The following ADGRL3 variants were observed in gnomAD, a reference collection of about 807,000 sequenced individuals.
The protein encoded by ADGRL3 is adhesion G protein-coupled receptor L3, also known as calcium-independent alpha-latrotoxin receptor 3.
A neutral mutation model predicts 153.5 loss-of-function variants in ADGRL3; 62 were observed. That is an observed-to-expected ratio of 0.40 (90% CI 0.33 to 0.50). The LOEUF (loss-of-function observed/expected upper bound fraction) is 0.50, where lower values mean the gene tolerates loss of function less well. Among genes scored for constraint, ADGRL3 ranks in the 20% least tolerant of loss-of-function variants. The pLI is 0.47. For missense variants in ADGRL3, 1,641 were observed against 1,859.4 expected, an observed-to-expected ratio of 0.88 and a Z score of 2.16; for synonymous variants, 710 against 672.5, an observed-to-expected ratio of 1.06 and a Z score of -0.86.
At chr4:61,464,069 A>G (rs2097853317) in intron 2 of ADGRL3, among the ~76,000 whole-genome samples, 1 of 152,180 alleles carries the variant, frequency 6.6e-6, no homozygotes, top group Non-Finnish European at 1.5e-5. Flanking sequence ...AATTAATAAA[A>G]AATGGTTTGG....
chr4:61,410,520 T>C (rs547094332), intron 2 of ADGRL3, among the ~76,000 whole-genome samples: 56 of 152,262 alleles, frequency 3.7e-4, no homozygotes, highest in African/African-American at 1.2e-3. Flanking sequence ...TACAATACTA[T>C]TGTGTAATCT....
chr4:61,214,187 A>T (rs1741528961), intron 1 of ADGRL3, among the ~76,000 whole-genome samples: 1 of 152,340 alleles, frequency 6.6e-6, no homozygotes, highest in Non-Finnish European at 1.5e-5. Flanking sequence ...TCAAAAATGC[A>T]AATTTACTGG....
chr4:61,509,390 A>C (rs1484236604), intron 3 of ADGRL3, among the ~76,000 whole-genome samples: 3 of 152,084 alleles, frequency 2.0e-5, no homozygotes, highest in African/African-American at 4.8e-5. Context: ...AGCCTCCCAA[A>C]GTGCTGGGAT....
At chr4:61,229,384 C>T (rs1318489461) in intron 1 of ADGRL3, among the ~76,000 whole-genome samples, 4 of 152,108 alleles carry the variant, frequency 2.6e-5, no homozygotes, top group Non-Finnish European at 5.9e-5. Flanking sequence ...AAAGTAATTA[C>T]CTTGGTAGCC....
chr4:61,389,665 A>C (rs1042540876), intron 2 of ADGRL3, among the ~76,000 whole-genome samples: 1 of 152,158 alleles, frequency 6.6e-6, no homozygotes, highest in African/African-American at 2.4e-5. Flanking sequence ...TCAAAACCAC[A>C]GTCAGAATGT....
intron 5 of ADGRL3, among the ~76,000 whole-genome samples, chr4:61,613,143 A>G (rs2091581573): frequency 6.6e-6 from 1 of 152,152 alleles, no homozygotes; most frequent in African/African-American, 2.4e-5. Flanking sequence ...GTGAACCTCT[A>G]AATCCTATCA....
chr4:61,329,707 A>G (rs544129015), intron 1 of ADGRL3, among the ~76,000 whole-genome samples: 79 of 152,272 alleles, frequency 5.2e-4, no homozygotes, highest in Middle Eastern at 3.4e-3. Flanking sequence ...AAAATATAGT[A>G]TACAGTTTTG....
At chr4:61,449,389 C>A (rs1475766238) in intron 2 of ADGRL3, among the ~76,000 whole-genome samples, 1 of 152,060 alleles carries the variant, frequency 6.6e-6, no homozygotes, top group Non-Finnish European at 1.5e-5. Flanking sequence ...CCTGCCTCGG[C>A]CTCCCAAAGT....
chr4:62,035,752 T>A lies in ADGRL3; in HGVS notation c.3592-1979T>A, dbSNP rs144272806. ...GTGATTTCATGTTCCAAATGTGGCA[T>A]CTTAGAGCTTTTTGATCATAGAGCA... On this transcript the variant is annotated intron_variant, in intron 23 of 26. Coordinates refer to ENST00000683033, the MANE Select transcript of ADGRL3 (RefSeq NM_001387552.1). Among the ~76,000 whole-genome samples, 34 of 152,222 alleles carry A rather than the reference T, an allele frequency of 2.2e-4. 2 individuals are homozygous for A. The East Asian group carries it at 6.4e-3, about 29-fold the overall frequency.
intron 11 of ADGRL3, among the ~76,000 whole-genome samples, chr4:61,897,723 C>A (rs1324485171): frequency 6.6e-6 from 1 of 152,168 alleles, no homozygotes; most frequent in East Asian, 1.9e-4. Context: ...TTATCCCCCA[C>A]CTCCCCAGCT....
intron 17 of ADGRL3, among the ~76,000 whole-genome samples, chr4:61,965,907 C>T (rs2150561444): frequency 6.6e-6 from 1 of 152,240 alleles, no homozygotes; most frequent in African/African-American, 2.4e-5. Context: ...TAGTTACTGG[C>T]TAATTTAAAA....
intron 1 of ADGRL3, among the ~76,000 whole-genome samples, chr4:61,222,360 A>G (rs535163241): frequency 3.3e-5 from 5 of 152,276 alleles, no homozygotes; most frequent in Non-Finnish European, 5.9e-5. Flanking sequence ...CTGTTGATAT[A>G]TAATATAGAG....
intron 1 of ADGRL3, among the ~76,000 whole-genome samples, chr4:61,303,527 G>A (rs1431384534): frequency 1.3e-5 from 2 of 151,938 alleles, no homozygotes; most frequent in Non-Finnish European, 2.9e-5. Context: ...CCTGAAACTA[G>A]CTGTGACAGA....
chr4:61,829,026 C>A (rs2097842604), intron 9 of ADGRL3, among the ~76,000 whole-genome samples: 1 of 152,090 alleles, frequency 6.6e-6, no homozygotes, highest in African/African-American at 2.4e-5. Context: ...GCAGATGGGC[C>A]AGACTTAAGA....
intron 21 of ADGRL3, 104 bp from the exon 22 acceptor site, chr4:62,028,751 G>A (rs1022329767): frequency 6.1e-5 from 48 of 787,618 alleles, no homozygotes; most frequent in South Asian, 1.4e-4. Flanking sequence ...AGGGAGGTGG[G>A]GGACAGAGGC....
At chr4:61,794,278 T>C (rs982367863) in intron 8 of ADGRL3, among the ~76,000 whole-genome samples, 6 of 152,228 alleles carry the variant, frequency 3.9e-5, no homozygotes, top group African/African-American at 1.4e-4. Context: ...TTGTCACCTG[T>C]GCATTAGTCA....
At chr4:61,211,827 A>G (rs1415208550) in intron 1 of ADGRL3, 1 of 152,252 alleles carries the variant, frequency 6.6e-6, no homozygotes, top group Non-Finnish European at 1.5e-5. Context: ...TTACAGAAGC[A>G]GTGTGCCATT....
At chr4:61,230,422 T>G (rs1340883765) in intron 1 of ADGRL3, among the ~76,000 whole-genome samples, 1 of 152,210 alleles carries the variant, frequency 6.6e-6, no homozygotes, top group Non-Finnish European at 1.5e-5. Flanking sequence ...CTTAGTAATG[T>G]GGAGTTGATG....
intron 8 of ADGRL3, among the ~76,000 whole-genome samples, chr4:61,756,201 A>G (rs2096828118): frequency 6.6e-6 from 1 of 152,180 alleles, no homozygotes; most frequent in African/African-American, 2.4e-5. Context: ...TCTATAAATT[A>G]CCTTGGGCAG....
Sources: allele counts gnomAD v4.1 joint callset (sites outside exome capture counted in the v4.1 genomes callset), GRCh38; gene constraint gnomAD v4.1.1; transcripts MANE v1.5; gene names NCBI Gene and HGNC (gene_info 2026-07-23, HGNC 2026-07-21).